The following STRN variants were observed in gnomAD, a reference collection of about 807,000 sequenced individuals.
STRN encodes the protein protein phosphatase 2 regulatory subunit B'''alpha.
Under a neutral mutation model 96.3 loss-of-function variants are expected in STRN, and 53 were observed. That is an observed-to-expected ratio of 0.55 (90% CI 0.44 to 0.69). The LOEUF (loss-of-function observed/expected upper bound fraction) is 0.69, where lower values mean the gene tolerates loss of function less well. Ranked by LOEUF, STRN falls within the 30% of genes least tolerant of loss-of-function variation. The pLI, the probability that STRN is intolerant of heterozygous loss-of-function variation, is 0.00. For missense variants in STRN, 987 were observed against 963.9 expected (o/e 1.02, Z -0.32); for synonymous variants, 428 against 355.9 (o/e 1.20, Z -2.28).
intron 7 of STRN, among the ~76,000 whole-genome samples, chr2:36,893,678 T>C (rs1403430039): frequency 1.3e-5 from 2 of 152,170 alleles, no homozygotes; most frequent in Admixed American, 1.3e-4. Flanking sequence ...ATTCTTTTCA[T>C]ACTGTATTGT....
intron 6 of STRN, among the ~76,000 whole-genome samples, 168 bp from the exon 7 acceptor site, chr2:36,894,201 T>A (rs2148189028): frequency 6.6e-6 from 1 of 152,340 alleles, no homozygotes; most frequent in South Asian, 2.1e-4. Flanking sequence ...CATTATAAAT[T>A]TTAAAGCAGT....
chr2:36,854,534 TATGC>T (rs1299130024), intron 15 of STRN, among the ~76,000 whole-genome samples: 3 of 152,178 alleles, frequency 2.0e-5, no homozygotes, highest in African/African-American at 7.2e-5. Context: ...TATGTAAACA[TATGC>T]ATGTACATGT....
At chr2:36,868,872 C>CTTT (rs201441254) in intron 11 of STRN, among the ~76,000 whole-genome samples, 10 of 131,954 alleles carry the variant, frequency 7.6e-5, no homozygotes, top group Non-Finnish European at 1.7e-4. Flanking sequence ...GATGCTGGTT[C>CTTT]TTTTTTTTTT....
At chr2:36,883,112 G>A (rs1572645945) in intron 9 of STRN, among the ~76,000 whole-genome samples, 1 of 152,036 alleles carries the variant, frequency 6.6e-6, no homozygotes, top group Non-Finnish European at 1.5e-5. Context: ...ACATGATGTA[G>A]AATAATGCAT....
At chr2:36,953,530 G>A (rs1329172437) in intron 1 of STRN, among the ~76,000 whole-genome samples, 1 of 151,178 alleles carries the variant, frequency 6.6e-6, no homozygotes, top group Non-Finnish European at 1.5e-5. Context: ...AGCCTCCCAA[G>A]TAGCTGGGAC....
chr2:36,939,134 T>G (rs941287790), intron 1 of STRN, among the ~76,000 whole-genome samples: 1 of 151,958 alleles, frequency 6.6e-6, no homozygotes, highest in African/African-American at 2.4e-5. Flanking sequence ...TACAGGCACG[T>G]GGAATTACAG....
intron 6 of STRN, among the ~76,000 whole-genome samples, chr2:36,896,024 T>C (rs1353596387): frequency 6.6e-6 from 1 of 152,140 alleles, no homozygotes; most frequent in Non-Finnish European, 1.5e-5. Context: ...ATCTACCTTC[T>C]TTTACCCTAG....
chr2:36,932,907 T>C (rs1160558289), intron 1 of STRN, among the ~76,000 whole-genome samples: 1 of 152,146 alleles, frequency 6.6e-6, no homozygotes, highest in African/African-American at 2.4e-5. Flanking sequence ...TATAAATAAA[T>C]GTACATCAGT....
At chr2:36,871,236 T>C (rs1310956009) in intron 10 of STRN, among the ~76,000 whole-genome samples, 1 of 152,222 alleles carries the variant, frequency 6.6e-6, no homozygotes, top group Non-Finnish European at 1.5e-5. Context: ...AGTAATGTCC[T>C]AGACCTTCAC....
intron 7 of STRN, among the ~76,000 whole-genome samples, chr2:36,890,101 G>A (rs967331690): frequency 2.6e-5 from 4 of 152,306 alleles, no homozygotes; most frequent in Non-Finnish European, 4.4e-5. Flanking sequence ...ATTCCTCAGA[G>A]AAAGACCTCA....
At chr2:36,886,067 C>T (rs1313079032) in intron 8 of STRN, among the ~76,000 whole-genome samples, 2 of 151,980 alleles carry the variant, frequency 1.3e-5, no homozygotes, top group African/African-American at 4.8e-5. Flanking sequence ...ATATGATTCA[C>T]AGGGCTAGAA....
chr2:36,924,500 A>AT (rs1670358006), intron 2 of STRN, among the ~76,000 whole-genome samples: 1 of 152,158 alleles, frequency 6.6e-6, no homozygotes, highest in Non-Finnish European at 1.5e-5. Context: ...ATTAAAAACT[A>AT]TTTCAACTTT....
chr2:36,882,061 T>C (rs1669085935), intron 9 of STRN, among the ~76,000 whole-genome samples: 1 of 152,210 alleles, frequency 6.6e-6, no homozygotes. Context: ...CCAAGTGCTA[T>C]AATTGACTCT....
At chr2:36,850,776 C>T (rs1438365893) in intron 16 of STRN, among the ~76,000 whole-genome samples, 1 of 152,054 alleles carries the variant, frequency 6.6e-6, no homozygotes, top group African/African-American at 2.4e-5. Flanking sequence ...CTACATATAG[C>T]ATCTGCTCAC....
chr2:36,944,169 A>G (rs1290024603), intron 1 of STRN, among the ~76,000 whole-genome samples: 2 of 152,180 alleles, frequency 1.3e-5, no homozygotes, highest in South Asian at 2.1e-4. Flanking sequence ...TATACACACT[A>G]ACAGACAGTT....
At chr2:36,870,258 CAT>C (rs1668729238) in intron 10 of STRN, among the ~76,000 whole-genome samples, 1 of 136,604 alleles carries the variant, frequency 7.3e-6, no homozygotes, top group African/African-American at 2.7e-5. Flanking sequence ...GTAAAACACA[CAT>C]GTTCTTTCCC....
intron 3 of STRN, among the ~76,000 whole-genome samples, chr2:36,911,528 G>T (rs1669965124): frequency 6.6e-6 from 1 of 152,012 alleles, no homozygotes; most frequent in African/African-American, 2.4e-5. Context: ...ATGTGACAGT[G>T]GCAAAGTTGA....
intron 3 of STRN, among the ~76,000 whole-genome samples, chr2:36,909,371 T>C (rs1669908240): frequency 6.6e-6 from 1 of 152,010 alleles, no homozygotes; most frequent in South Asian, 2.1e-4. Flanking sequence ...CTCGGTAATA[T>C]CGAAAGTATT....
chr2:36,918,609 T>C (rs6749227), intron 2 of STRN, among the ~76,000 whole-genome samples: 9,607 of 152,200 alleles, frequency 0.063, 423 homozygotes, highest in Non-Finnish European at 0.087. Flanking sequence ...TGACACATTA[T>C]GAACATTTTA....
Sources: allele counts gnomAD v4.1 joint callset (sites outside exome capture counted in the v4.1 genomes callset), GRCh38; gene constraint gnomAD v4.1.1; transcripts MANE v1.5; gene names NCBI Gene and HGNC (gene_info 2026-07-23, HGNC 2026-07-21).